The following HERC1 variants were observed in gnomAD, a reference collection of about 807,000 sequenced individuals.
HERC1 encodes the protein probable E3 ubiquitin-protein ligase HERC1.
A neutral mutation model predicts 554.3 loss-of-function variants in HERC1; 160 were observed. The ratio of observed to expected loss-of-function variants is 0.29; its 90% CI spans 0.25 to 0.33. The LOEUF (loss-of-function observed/expected upper bound fraction) is 0.33, where lower values mean the gene tolerates loss of function less well. HERC1 is among the 10% of genes least tolerant of loss of function. The probability of loss-of-function intolerance (pLI) is 1.00; values close to 1 mark genes in which losing one functional copy is unlikely to be tolerated. For missense variants in HERC1, 4,919 were observed against 5,918.5 expected, an observed-to-expected ratio of 0.83 and a Z score of 5.54; for synonymous variants, 2,175 against 2,131.7, an observed-to-expected ratio of 1.02 and a Z score of -0.56.
intron 25 of HERC1, among the ~76,000 whole-genome samples, chr15:63,704,955 G>T (rs2072926024): frequency 6.6e-6 from 1 of 151,862 alleles, no homozygotes; most frequent in South Asian, 2.1e-4. Flanking sequence ...AGCCAGGATG[G>T]TGTCGATCTC....
intron 33 of HERC1, 104 bp from the exon 34 acceptor site, chr15:63,686,639 C>A: frequency 1.1e-6 from 1 of 917,038 alleles, no homozygotes; most frequent in Non-Finnish European, 1.6e-6. Flanking sequence ...TATTATGTAT[C>A]TACTATGAAT....
intron 25 of HERC1, among the ~76,000 whole-genome samples, chr15:63,705,709 C>A (rs2072966469): frequency 6.6e-6 from 1 of 152,046 alleles, no homozygotes; most frequent in African/African-American, 2.4e-5. Context: ...ATTTTCACAA[C>A]CACTTAATAA....
intron 2 of HERC1, among the ~76,000 whole-genome samples, chr15:63,769,368 C>G (rs547666446): frequency 4.6e-5 from 7 of 151,952 alleles, no homozygotes; most frequent in Admixed American, 2.0e-4. Context: ...TGCAGTGAGA[C>G]GAGATCTTGC....
intron 39 of HERC1, 101 bp from the exon 40 acceptor site, chr15:63,669,799 C>T: frequency 9.2e-7 from 1 of 1,082,980 alleles, no homozygotes; most frequent in Non-Finnish European, 1.4e-6. Flanking sequence ...GAAGACTAAA[C>T]AGGTTAGTTA....
intron 25 of HERC1, among the ~76,000 whole-genome samples, chr15:63,701,337 A>T (rs953248464): frequency 6.6e-6 from 1 of 152,228 alleles, no homozygotes; most frequent in African/African-American, 2.4e-5. Flanking sequence ...TAAAGGTTCA[A>T]TTATGAATCT....
intron 2 of HERC1, among the ~76,000 whole-genome samples, chr15:63,767,875 C>A (rs892216378): frequency 1.7e-4 from 26 of 152,192 alleles, no homozygotes; most frequent in African/African-American, 6.0e-4. Context: ...GACTTTCACA[C>A]CACTCTCCTC....
intron 60 of HERC1, among the ~76,000 whole-genome samples, chr15:63,641,192 G>A (rs985415346): frequency 6.6e-6 from 1 of 152,174 alleles, no homozygotes; most frequent in East Asian, 1.9e-4. Context: ...TGCTGCATAG[G>A]TATTTTAAGA....
chr15:63,709,525 T>C (rs1267097298), intron 24 of HERC1, among the ~76,000 whole-genome samples: 1 of 152,184 alleles, frequency 6.6e-6, no homozygotes, highest in Non-Finnish European at 1.5e-5. Flanking sequence ...ACAGGCATTA[T>C]TCTCCACTTC....
intron 1 of HERC1, among the ~76,000 whole-genome samples, chr15:63,831,965 A>C (rs1325245796): frequency 1.3e-5 from 2 of 152,240 alleles, no homozygotes; most frequent in African/African-American, 4.8e-5. Flanking sequence ...GAAATTTAAG[A>C]AGCAAAATGA....
Position 63,648,132 on chromosome 15 carries a change from T to C in HERC1, c.10815A>G (p.Lys3605=). 1.9e-6 allele frequency: 3 copies of C among 1,587,560 alleles called. No individual in the cohort carries two copies. The highest frequency in any genetic ancestry group is 2.6e-6 in the Non-Finnish European group (3 of 1,165,172). ...RPFAVGYFDG[K]LLLGTKEPLE... Reference sequence around the variant, plus strand: ...GTGGTTCCTTTGTTCCCAGTAACAGTTTTCCATCAAAATATCCCACTGCAA... The same window carrying C: ...GTGGTTCCTTTGTTCCCAGTAACAGCTTTCCATCAAAATATCCCACTGCAA... Residue 3605 remains lysine (K), a synonymous_variant, in exon 55 of 78, where the codon AAA becomes AAG. Transcript: ENST00000443617.
intron 69 of HERC1, 62 bp from the exon 70 acceptor site, chr15:63,628,877 T>C (rs2068422818): frequency 1.2e-5 from 19 of 1,542,626 alleles, no homozygotes; most frequent in African/African-American, 4.1e-5. Flanking sequence ...GAAGTCAATA[T>C]GAAATTTTTC....
intron 17 of HERC1, among the ~76,000 whole-genome samples, chr15:63,725,935 T>A (rs1189283327): frequency 6.6e-6 from 1 of 152,102 alleles, no homozygotes; most frequent in Non-Finnish European, 1.5e-5. Flanking sequence ...GAATTCAGAA[T>A]TGTCTTAATA....
In HERC1 at chr15:63,656,215, C is replaced by T. The variant is rs757219034; in HGVS notation, c.9743G>A (p.Arg3248Gln). ...SPSAMASTSERSRGGHSKANK... is the reference protein window; with the variant it reads ...SPSAMASTSEQSRGGHSKANK... The stretch of plus-strand genomic sequence containing the variant: ...AGCCTTGCTATGCCCACCTCGTGAT[C>T]GTTCTGAGGTGCTAGCCATGGCAGA... The change falls in exon 49 of 78, where the codon CGA becomes CAA. Residue 3248 changes from arginine (R) to glutamine (Q), a missense_variant. Transcript: ENST00000443617. 50 of 1,613,130 alleles carry T rather than the reference C, an allele frequency of 3.1e-5. No individual in the cohort carries two copies. Among genetic ancestry groups the T allele is most frequent in the Middle Eastern group, 1.6e-4 (1 of 6,084 alleles).
At chr15:63,667,707 A>G (rs2070711747) in intron 40 of HERC1, among the ~76,000 whole-genome samples, 1 of 152,182 alleles carries the variant, frequency 6.6e-6, no homozygotes, top group South Asian at 2.1e-4. Flanking sequence ...CTTAAGGTAG[A>G]CTCTGATAAT....
chr15:63,673,336 T>C lies in HERC1; in HGVS notation c.7847-642A>G, dbSNP rs540485102. Among the ~76,000 whole-genome samples, 6 of 152,304 alleles carry C rather than the reference T, an allele frequency of 3.9e-5. No individual in the cohort carries two copies. In the South Asian group the frequency reaches 1.2e-3, roughly 32 times the overall value. Reference sequence around the variant, plus strand: ...CCACATTACTTCACAATCATCATGATCTTAACATTCCTACTTATATACACC... The same window carrying C: ...CCACATTACTTCACAATCATCATGACCTTAACATTCCTACTTATATACACC... On this transcript the variant is annotated intron_variant, in intron 38 of 77. Transcript: ENST00000443617.
intron 1 of HERC1, among the ~76,000 whole-genome samples, chr15:63,829,513 T>A (rs34370342): frequency 2.7e-5 from 2 of 74,082 alleles, no homozygotes; most frequent in East Asian, 2.4e-4. Flanking sequence ...CACACACACA[T>A]ATATAAATAA....
intron 74 of HERC1, among the ~76,000 whole-genome samples, chr15:63,620,135 C>G (rs1476173407): frequency 2.0e-5 from 3 of 152,084 alleles, no homozygotes; most frequent in East Asian, 1.9e-4. Context: ...GCATTTAGTG[C>G]TATAAATTTC....
chr15:63,666,292 G>A, intron 41 of HERC1, 64 bp downstream of exon 41: 2 of 1,401,094 alleles, frequency 1.4e-6, no homozygotes, highest in East Asian at 2.3e-5. Flanking sequence ...TAAAAGTTAT[G>A]TTGTCTTTAA....
Position 63,680,529 on chromosome 15 carries a change from G to A in HERC1, c.6465+8C>T, listed in dbSNP as rs2071428237. 2 of 1,613,302 alleles carry A rather than the reference G, an allele frequency of 1.2e-6. No individual in the cohort carries two copies. Among genetic ancestry groups the A allele is most frequent in the East Asian group, 2.2e-5 (1 of 44,868 alleles). ...AAAAATGTAATGCTTGTGAATGGGT[G>A]TCGGTACCTCTCCATTTTTCCCAAA... On this transcript the variant is annotated splice_region_variant and intron_variant, in intron 35 of 77. Coordinates refer to ENST00000443617, the MANE Select transcript of HERC1 (RefSeq NM_003922.4). This position sits in a 1 kb window ranked among gnomAD's most constrained non-coding sequence, Gnocchi z 5.8.
Sources: gnomAD v4.1 joint callset for allele counts (sites outside exome capture counted in the v4.1 genomes callset) on GRCh38, gnomAD v4.1.1 for gene constraint, Gnocchi (gnomAD v3.1) non-coding constraint, MANE v1.5 for transcripts, NCBI Gene and HGNC (gene_info 2026-07-23, HGNC 2026-07-21) for gene names.